Variants in C3 observed in about 807,000 individuals in gnomAD.
The protein encoded by C3 is C3 and PZP-like alpha-2-macroglobulin domain-containing protein 1.
A neutral mutation model predicts 207.9 loss-of-function variants in C3; 97 were observed. That is an observed-to-expected ratio of 0.47 (90% CI 0.40 to 0.55). The LOEUF (loss-of-function observed/expected upper bound fraction) is 0.55. Among genes scored for constraint, C3 ranks in the 20% least tolerant of loss-of-function variants. The pLI is 0.00. For synonymous variants in C3, 848 were observed against 857.6 expected (o/e 0.99, Z 0.20); for missense variants, 1,684 against 2,171.7 (o/e 0.78, Z 4.46).
At position 6,718,326 on chromosome 19, in the gene C3, C is replaced by T; in HGVS notation, c.354G>A (p.Glu118=). ...TCTGCAGGCTGACCAGCACCACCTT[C>T]TCCACCACTTGGGTCCCGAAGGTGG... ...VQATFGTQVV[E]KVVLVSLQSG... is the part of the protein sequence containing the mutation. Residue 118 remains glutamate, a synonymous_variant, in exon 3 of 41, where the codon GAG becomes GAA. Transcript: ENST00000245907. The T allele has an allele frequency of 6.2e-7, 1 of 1,614,266 alleles. No individual in the cohort carries two copies.
chr19:6,679,431 C>T lies in C3; in HGVS notation c.4522G>A (p.Asp1508Asn). 2 of 1,614,008 alleles carry T rather than the reference C, an allele frequency of 1.2e-6. No individual in the cohort carries two copies. The highest frequency in any genetic ancestry group is 1.7e-6 in the Non-Finnish European group (2 of 1,179,862). Residue 1508 changes from aspartate (D) to asparagine (N), a missense_variant, in exon 37 of 41, where the codon GAT becomes AAT. This residue lies in a region of C3 where 346 missense variants were observed against 380.1 expected (regional missense o/e 0.91). Transcript: ENST00000245907. The part of the protein sequence containing the change: ...EDGKLNKLCR[D>N]ELCRCAEENC... The stretch of plus-strand genomic sequence containing the variant: ...CCCTCAGCACAGCGGCACAGTTCAT[C>T]ACGGCAGAGCTTGTTCAGCTTTCCA...
At chr19:6,718,484 G>A (rs1968091725) in intron 2 of C3, 72 bp from the exon 3 acceptor site, 5 of 1,576,308 alleles carry the variant, frequency 3.2e-6, no homozygotes, top group African/African-American at 2.7e-5. Flanking sequence ...TCCGGATCTT[G>A]GGCTGGGTCC....
At chr19:6,693,513 A>C (rs1255714245) in intron 24 of C3, 26 bp from the exon 25 acceptor site, 9 of 1,602,172 alleles carry the variant, frequency 5.6e-6, no homozygotes, top group Non-Finnish European at 7.7e-6. Flanking sequence ...AGGAACCCCC[A>C]AAAGAGCCGG....
chr19:6,703,374 G>A (rs1197274875), intron 17 of C3, among the ~76,000 whole-genome samples: 8 of 152,252 alleles, frequency 5.3e-5, no homozygotes, highest in East Asian at 1.9e-4. Context: ...TTGGGAGGCC[G>A]AGGCGGGTGG....
intron 4 of C3, chr19:6,716,651 C>G (rs1968040060): frequency 6.6e-6 from 1 of 152,208 alleles, no homozygotes; most frequent in East Asian, 1.9e-4. Flanking sequence ...CAACTATATA[C>G]CAGCATTGTG....
intron 14 of C3, 47 bp downstream of exon 14, chr19:6,709,637 T>G: frequency 2.6e-6 from 2 of 773,974 alleles, no homozygotes; most frequent in Non-Finnish European, 3.8e-6. Context: ...CAGCCCCAGC[T>G]CCGTGCCTCC....
At chr19:6,678,070 G>A (rs1334157230) in intron 40 of C3, 47 bp from the exon 41 acceptor site, 6 of 1,614,094 alleles carry the variant, frequency 3.7e-6, no homozygotes, top group African/African-American at 1.3e-5. Flanking sequence ...TGTGGGCGTG[G>A]CGCAGGGGCG....
At chr19:6,705,415 T>G (rs1967754144) in intron 17 of C3, among the ~76,000 whole-genome samples, 2 of 151,018 alleles carry the variant, frequency 1.3e-5, no homozygotes, top group South Asian at 2.1e-4. Context: ...TGATTTTGGC[T>G]CATTGACGCC....
At chr19:6,708,268 C>G (rs1265518468) in intron 14 of C3, among the ~76,000 whole-genome samples, 2 of 152,054 alleles carry the variant, frequency 1.3e-5, no homozygotes, top group Non-Finnish European at 2.9e-5. Flanking sequence ...TCCCGAGTAT[C>G]TGGGACTACA....
At chr19:6,692,872 C>T in intron 26 of C3, 52 bp downstream of exon 26, 6 of 1,594,378 alleles carry the variant, frequency 3.8e-6, no homozygotes, top group Non-Finnish European at 3.4e-6. Context: ...GTTCATCCTG[C>T]GAGACTCAGG....
chr19:6,716,500 A>AG (rs1367206997), intron 4 of C3: 1 of 152,082 alleles, frequency 6.6e-6, no homozygotes, highest in Non-Finnish European at 1.5e-5. Context: ...CCTCCCAAAC[A>AG]GCTGGGATTA....
At chr19:6,717,705 G>A (rs1028792582) in intron 4 of C3, 4 of 378,866 alleles carry the variant, frequency 1.1e-5, no homozygotes, top group African/African-American at 8.6e-5. Flanking sequence ...GTATTGCGTG[G>A]TTGTGTATGT....
At position 6,713,289 on chromosome 19, in the gene C3, C is replaced by A; in HGVS notation, c.903G>T (p.Val301=). The A allele has an allele frequency of 6.2e-7, 1 of 1,613,740 alleles. No individual in the cohort carries two copies. Among genetic ancestry groups the A allele is most frequent in the Non-Finnish European group, 8.5e-7 (1 of 1,180,000 alleles). ...IPIEDGSGEV[V]LSRKVLLDGV... is the part of the protein sequence containing the mutation. Reference sequence around the variant, plus strand: ...CGTCCAGCAGTACCTTCCGGCTCAGCACAACCTCCCCCGAGCCATCCTCAA... The same window carrying A: ...CGTCCAGCAGTACCTTCCGGCTCAGAACAACCTCCCCCGAGCCATCCTCAA... The change falls in exon 9 of 41, where the codon GTG becomes GTT. Residue 301 remains valine, a synonymous_variant. Transcript: ENST00000245907.
Position 6,718,780 on chromosome 19 carries a change from G to C in C3, c.268-368C>G, listed in dbSNP as rs1333721159. On this transcript the variant is annotated intron_variant, in intron 2 of 40. Transcript: ENST00000245907. ...GGAGTTCAGAAGAGGAGACTTCGAG[G>C]GGGAGGGGCTTGGAAAAGGAATTCA... Among the ~76,000 whole-genome samples the C allele has an allele frequency of 2.6e-5, 4 of 151,290 alleles. No homozygotes were observed. In the East Asian group the frequency reaches 7.8e-4, roughly 30 times the overall value.
At chr19:6,709,976 A>T in intron 13 of C3, 134 bp from the exon 14 acceptor site, 2 of 463,032 alleles carry the variant, frequency 4.3e-6, no homozygotes, top group Non-Finnish European at 7.9e-6. Flanking sequence ...GGGGAGAGAG[A>T]GGGAGAGAGA....
At chr19:6,706,287 T>C (rs8112351) in intron 17 of C3, among the ~76,000 whole-genome samples, 124,244 of 152,176 alleles carry the variant, frequency 0.82, 51,068 homozygotes, top group East Asian at 0.91. Flanking sequence ...GACTGATGGG[T>C]GGGGCTGGGA....
intron 19 of C3, among the ~76,000 whole-genome samples, chr19:6,698,072 A>G (rs1312524207): frequency 6.6e-6 from 1 of 151,942 alleles, no homozygotes; most frequent in African/African-American, 2.4e-5. Flanking sequence ...GCTGGAGTGC[A>G]GTGGCGCCAT....
rs755473268 is a variant in C3 at position 6,710,874 on chromosome 19, G to C, written c.1480-29C>G. 4 of 1,610,084 alleles carry C rather than the reference G, an allele frequency of 2.5e-6. No homozygotes were observed. In the African/African-American group the frequency reaches 5.3e-5, roughly 22 times the overall value. The stretch of plus-strand genomic sequence containing the variant: ...GGGGGACAGGCTGGCATCAGGCTGG[G>C]GAGGGTGAGTGGCAGGGAACGCAGG... On this transcript the variant is annotated intron_variant, in intron 12 of 40. Coordinates refer to ENST00000245907, the MANE Select transcript of C3 (RefSeq NM_000064.4).
rs1599503282 is a variant in C3 at position 6,689,313 on chromosome 19, CT to C, written c.3489+1315del. On this transcript the variant is annotated intron_variant, in intron 27 of 40. Coordinates refer to ENST00000245907, the MANE Select transcript of C3 (RefSeq NM_000064.4). The stretch of plus-strand genomic sequence containing the variant: ...CCCCACCTCTCCTCTCTCTCTCTCT[CT>C]CTCTCTCTACCTACCTCCCTCCCTC... Among the ~76,000 whole-genome samples, 25 of 127,614 alleles carry C rather than the reference CT, an allele frequency of 2.0e-4. 1 individual carries two copies. In the East Asian group the frequency reaches 2.8e-3, roughly 14 times the overall value. 83.7% of individuals were successfully genotyped at this position (127,614 alleles called of 152,430 possible).
Sources: allele counts gnomAD v4.1 joint callset (sites outside exome capture counted in the v4.1 genomes callset), GRCh38; gene constraint gnomAD v4.1.1; regional missense constraint gnomAD v4.1.1; transcripts MANE v1.5; gene names NCBI Gene and HGNC (gene_info 2026-07-23, HGNC 2026-07-21).